CSMD1: variants seen among roughly 807,000 people sequenced by gnomAD.
CSMD1 encodes CUB and sushi domain-containing protein 1.
Under a neutral mutation model 417.5 loss-of-function variants are expected in CSMD1, and 213 were observed. The ratio of observed to expected loss-of-function variants is 0.51; its 90% confidence interval spans 0.46 to 0.57. The LOEUF (loss-of-function observed/expected upper bound fraction) is 0.57. Among genes scored for constraint, CSMD1 ranks in the 20% least tolerant of loss-of-function variants. The probability of loss-of-function intolerance (pLI) is 0.00; values close to 1 mark genes in which losing one functional copy is unlikely to be tolerated. For missense variants in CSMD1, 6,923 were observed against 4,529.7 expected, an observed-to-expected ratio of 1.53 and a Z score of -15.17; for synonymous variants, 2,862 against 1,736.8, an observed-to-expected ratio of 1.65 and a Z score of -16.11.
chr8:3,818,224 C>G (rs577628862), intron 5 of CSMD1, among the ~76,000 whole-genome samples: 1 of 152,000 alleles, frequency 6.6e-6, no homozygotes, highest in African/African-American at 2.4e-5. Flanking sequence ...CAGAGCCCAC[C>G]CCAAGATGCA....
At chr8:3,266,885 C>T (rs1037464833) in intron 26 of CSMD1, among the ~76,000 whole-genome samples, 8 of 151,430 alleles carry the variant, frequency 5.3e-5, no homozygotes, top group Admixed American at 1.3e-4. Flanking sequence ...AGTGTAGAAA[C>T]ACAAAACCAG....
intron 5 of CSMD1, among the ~76,000 whole-genome samples, chr8:3,961,672 G>C (rs548491134): frequency 2.6e-5 from 4 of 152,216 alleles, no homozygotes; most frequent in Non-Finnish European, 5.9e-5. Context: ...AATAAATAAA[G>C]TGAAAGCAAA....
intron 1 of CSMD1, among the ~76,000 whole-genome samples, chr8:4,839,183 A>G (rs1470772437): frequency 1.3e-5 from 2 of 152,186 alleles, no homozygotes; most frequent in Non-Finnish European, 2.9e-5. Context: ...TCAGGTTCCA[A>G]GAAGGAAGCT....
At chr8:3,856,865 G>T (rs1374986706) in intron 5 of CSMD1, among the ~76,000 whole-genome samples, 1 of 152,152 alleles carries the variant, frequency 6.6e-6, no homozygotes, top group African/African-American at 2.4e-5. Flanking sequence ...GATCCAGCAT[G>T]GACATGAGTC....
chr8:4,435,696 G>A (rs73658895), intron 2 of CSMD1, among the ~76,000 whole-genome samples: 4,594 of 152,260 alleles, frequency 0.03, 232 homozygotes, highest in African/African-American at 0.1. Context: ...GACAAGTGGA[G>A]GTGCCTCTGT....
intron 3 of CSMD1, among the ~76,000 whole-genome samples, chr8:4,361,602 A>G (rs754922223): frequency 3.3e-5 from 5 of 152,136 alleles, no homozygotes; most frequent in African/African-American, 9.7e-5. Flanking sequence ...GCCCTATTTT[A>G]TACTCCCAAC....
At chr8:4,385,709 G>C (rs1367022072) in intron 3 of CSMD1, among the ~76,000 whole-genome samples, 3 of 152,108 alleles carry the variant, frequency 2.0e-5, no homozygotes, top group Admixed American at 6.6e-5. Context: ...TATTTTTATA[G>C]AGAAAATTCA....
intron 3 of CSMD1, among the ~76,000 whole-genome samples, chr8:4,381,792 T>G (rs1181758265): frequency 6.6e-6 from 1 of 152,166 alleles, no homozygotes; most frequent in African/African-American, 2.4e-5. Context: ...CTAGTTGACC[T>G]TTTTCTGCTG....
intron 5 of CSMD1, among the ~76,000 whole-genome samples, chr8:3,899,522 T>C (rs1807587225): frequency 6.6e-6 from 1 of 152,102 alleles, no homozygotes; most frequent in African/African-American, 2.4e-5. Context: ...GATGCTGTCA[T>C]AAGGAAGTGG....
intron 4 of CSMD1, among the ~76,000 whole-genome samples, chr8:4,016,541 G>C (rs962844675): frequency 3.3e-5 from 5 of 152,122 alleles, no homozygotes; most frequent in South Asian, 2.1e-4. Context: ...CTATGAGAAG[G>C]AAAGAGGAGA....
chr8:4,896,801 C>G (rs1056506575), intron 1 of CSMD1, among the ~76,000 whole-genome samples: 1 of 151,742 alleles, frequency 6.6e-6, no homozygotes, highest in South Asian at 2.1e-4. Flanking sequence ...CGGGGTAGGG[C>G]GGGGGGAAGT....
At chr8:3,274,029 A>G (rs1165627736) in intron 26 of CSMD1, among the ~76,000 whole-genome samples, 2 of 149,350 alleles carry the variant, frequency 1.3e-5, no homozygotes, top group African/African-American at 4.9e-5. Flanking sequence ...TAGGGTGTCA[A>G]TTTTGGATCT....
chr8:4,978,370 T>A (rs1035076189), intron 1 of CSMD1, among the ~76,000 whole-genome samples: 5 of 152,220 alleles, frequency 3.3e-5, no homozygotes, highest in South Asian at 2.1e-4. Flanking sequence ...CAGATCACAC[T>A]GACTGCCTTA....
chr8:3,412,874 G>T (rs528976442), intron 12 of CSMD1, among the ~76,000 whole-genome samples: 2 of 152,212 alleles, frequency 1.3e-5, no homozygotes, highest in Admixed American at 6.5e-5. Flanking sequence ...TCAAAACGCT[G>T]CATGGTTTAT....
intron 3 of CSMD1, among the ~76,000 whole-genome samples, chr8:4,324,185 G>A (rs144848785): frequency 2.0e-5 from 3 of 152,334 alleles, no homozygotes; most frequent in Non-Finnish European, 4.4e-5. Context: ...AAAAAATATA[G>A]AACAAAGTAA....
At chr8:4,055,743 C>G (rs1180187121) in intron 3 of CSMD1, among the ~76,000 whole-genome samples, 2 of 152,078 alleles carry the variant, frequency 1.3e-5, no homozygotes, top group East Asian at 3.9e-4. Flanking sequence ...TCATCCACAA[C>G]AGAATGACTT....
chr8:3,672,844 G>A (rs141233803), intron 7 of CSMD1, among the ~76,000 whole-genome samples: 102 of 152,308 alleles, frequency 6.7e-4, no homozygotes, highest in African/African-American at 2.2e-3. Context: ...TAGACTTGGA[G>A]ACGCAGCTTC....
chr8:3,104,859 C>T (rs1816019818), intron 46 of CSMD1, among the ~76,000 whole-genome samples: 1 of 152,142 alleles, frequency 6.6e-6, no homozygotes. Context: ...AGGCATGCGC[C>T]ACCACGCCCA....
chr8:3,669,026 C>T (rs767259740), intron 7 of CSMD1, among the ~76,000 whole-genome samples: 30 of 152,122 alleles, frequency 2.0e-4, no homozygotes, highest in Non-Finnish European at 3.5e-4. Flanking sequence ...AGACGTTATA[C>T]CTTTAGAGTT....
Sources: gnomAD v4.1 joint callset for allele counts (sites outside exome capture counted in the v4.1 genomes callset) on GRCh38, gnomAD v4.1.1 for gene constraint, MANE v1.5 for transcripts, NCBI Gene and HGNC (gene_info 2026-07-23, HGNC 2026-07-21) for gene names.